The following TOR1AIP2 variants were observed in gnomAD, a reference collection of about 807,000 sequenced individuals.
TOR1AIP2 encodes the protein torsin-1A-interacting protein 2.
Under a neutral mutation model 32.6 loss-of-function variants are expected in TOR1AIP2, and 20 were observed. The observed-to-expected ratio is 0.61, with a 90% CI of 0.43 to 0.89. TOR1AIP2 has a LOEUF of 0.89. Among genes scored for constraint, TOR1AIP2 ranks in the 40% least tolerant of loss-of-function variants. The pLI is 0.00. For missense variants in TOR1AIP2, 456 were observed against 553.8 expected, an observed-to-expected ratio of 0.82 and a Z score of 1.77; for synonymous variants, 214 against 210.8, an observed-to-expected ratio of 1.02 and a Z score of -0.13.
intron 2 of TOR1AIP2, among the ~76,000 whole-genome samples, chr1:179,867,110 C>G (rs1286184988): frequency 6.6e-6 from 1 of 152,176 alleles, no homozygotes; most frequent in East Asian, 1.9e-4. Flanking sequence ...CCAAAGCACT[C>G]TCCTTACAGA....
rs374784728 is a variant in TOR1AIP2, at chr1:179,852,611, T to C, written c.34+21A>G. The C allele has an allele frequency of 1.4e-5, 23 of 1,613,870 alleles. No homozygotes were observed. In the African/African-American group the frequency reaches 2.0e-4, roughly 14 times the overall value. ...TGGTTTCCTACAGCAGCAACCTCAG[T>C]GCCAGACAAATCAGTCTTACCCTCT... is the stretch of plus-strand genomic sequence containing the variant. On this transcript the variant is annotated intron_variant, in intron 4 of 6. Coordinates refer to ENST00000609928, the MANE Select transcript of TOR1AIP2 (RefSeq NM_001199260.2).
At chr1:179,857,317 C>G (rs1257085367) in intron 3 of TOR1AIP2, among the ~76,000 whole-genome samples, 1 of 152,198 alleles carries the variant, frequency 6.6e-6, no homozygotes, top group African/African-American at 2.4e-5. Context: ...TGCAGCAAAA[C>G]TTGTATCATT....
At chr1:179,864,141 T>C in intron 3 of TOR1AIP2, 1 of 985,434 alleles carries the variant, frequency 1.0e-6, no homozygotes, top group Non-Finnish European at 1.2e-6. Flanking sequence ...GCATAACCTA[T>C]ATAGGTGTTT....
intron 3 of TOR1AIP2, chr1:179,862,660 G>A: frequency 1.0e-6 from 1 of 985,252 alleles, no homozygotes; most frequent in Non-Finnish European, 1.2e-6. Context: ...CAGGCACGGT[G>A]GCTATGCCTG....
At position 179,841,621 on chromosome 1, in the gene TOR1AIP2, C is replaced by T. The variant is rs1395589694; in HGVS notation, c.*4450G>A. ...ACAGAGTGAGACCCTGTCTTTAAAA[C>T]AAAAAGAAAGTACTTCTCTGCAAGT... On this transcript the variant is annotated 3_prime_UTR_variant, in exon 7 of 7. Transcript: ENST00000609928. 6.6e-6 allele frequency: 1 copy of T among 152,094 alleles called. No homozygotes were observed. Among genetic ancestry groups the T allele is most frequent in the Non-Finnish European group, 1.5e-5 (1 of 67,990 alleles). 9.4% of individuals were successfully genotyped at this position (152,094 alleles called of 1,614,324 possible). A position where few individuals can be genotyped will look rare whatever the true frequency, so the allele number is the denominator to read the frequency against.
chr1:179,870,686 G>A lies in TOR1AIP2; in HGVS notation c.-565-4832C>T, dbSNP rs142509252. Among the ~76,000 whole-genome samples the A allele has an allele frequency of 3.7e-3, 558 of 152,160 alleles. 3 individuals carry two copies. Among genetic ancestry groups the A allele is most frequent in the African/African-American group, 0.012 (517 of 41,532 alleles). ...AGTTCTAATAAAACAAAAAACTAAT[G>A]CTACTAGCCTTGGTTTAAAAACTTC... On this transcript the variant is annotated intron_variant, in intron 2 of 6. Coordinates refer to ENST00000609928, the MANE Select transcript of TOR1AIP2 (RefSeq NM_001199260.2).
chr1:179,873,262 A>G (rs1428945092), intron 2 of TOR1AIP2, among the ~76,000 whole-genome samples: 1 of 152,226 alleles, frequency 6.6e-6, no homozygotes, highest in East Asian at 1.9e-4. Context: ...CCTGGGCTCA[A>G]GCGATCCTCT....
intron 3 of TOR1AIP2, among the ~76,000 whole-genome samples, chr1:179,856,894 C>T (rs1472951471): frequency 1.3e-5 from 2 of 152,174 alleles, no homozygotes; most frequent in African/African-American, 4.8e-5. Flanking sequence ...GGATTACAGG[C>T]ATGAGCCACT....
chr1:179,858,201 GTATA>G (rs1266974422), intron 3 of TOR1AIP2, among the ~76,000 whole-genome samples: 1 of 151,874 alleles, frequency 6.6e-6, no homozygotes, highest in Non-Finnish European at 1.5e-5. Flanking sequence ...GTTTGTGTAT[GTATA>G]TATATTTGAT....
chr1:179,856,925 A>G (rs74341203), intron 3 of TOR1AIP2, among the ~76,000 whole-genome samples: 2,403 of 152,302 alleles, frequency 0.016, 68 homozygotes, highest in African/African-American at 0.055. Flanking sequence ...AAGCAGGTCA[A>G]TCTTTTGAAC....
chr1:179,847,208 T>C (rs1268751985), intron 6 of TOR1AIP2, among the ~76,000 whole-genome samples: 1 of 152,162 alleles, frequency 6.6e-6, no homozygotes, highest in Non-Finnish European at 1.5e-5. Context: ...TAGCCGACCA[T>C]TTTTTTAGGA....
intron 3 of TOR1AIP2, chr1:179,861,866 GTTT>G (rs982352804): frequency 1.1e-6 from 1 of 919,516 alleles, no homozygotes; most frequent in Non-Finnish European, 1.3e-6. Context: ...CTTTTATGTT[GTTT>G]TTTTTTCTTG....
intron 3 of TOR1AIP2, among the ~76,000 whole-genome samples, chr1:179,855,729 T>TGGAG (rs1696273971): frequency 1.3e-5 from 2 of 152,212 alleles, no homozygotes; most frequent in South Asian, 4.1e-4. Context: ...AAAATGTCCA[T>TGGAG]TGCTGTATTG....
chr1:179,860,866 C>T (rs545099123), intron 3 of TOR1AIP2: 108 of 985,438 alleles, frequency 1.1e-4, no homozygotes, highest in Non-Finnish European at 1.3e-4. Flanking sequence ...GCTCATCTCA[C>T]TTTTACAGAC....
intron 5 of TOR1AIP2, among the ~76,000 whole-genome samples, chr1:179,850,399 G>A (rs546281752): frequency 3.3e-5 from 5 of 152,346 alleles, no homozygotes; most frequent in African/African-American, 1.2e-4. Context: ...ACATGACTGA[G>A]TTAAGGATAC....
Position 179,845,801 on chromosome 1 carries a change from A to T in TOR1AIP2, c.*270T>A, listed in dbSNP as rs1049004775. 11 of 332,972 alleles carry T rather than the reference A, an allele frequency of 3.3e-5. No homozygotes were observed. The highest frequency in any genetic ancestry group is 4.9e-5 in the Non-Finnish European group (9 of 185,458). 20.6% of individuals were successfully genotyped at this position (332,972 alleles called of 1,614,324 possible). A position where few individuals can be genotyped will look rare whatever the true frequency, so the allele number is the denominator to read the frequency against. ...GCAATGTTGCTATATTTTAGAATTT[A>T]AAAAAAATTCTCATATATATCATCG... On this transcript the variant is annotated 3_prime_UTR_variant, in exon 7 of 7. Coordinates refer to ENST00000609928, the MANE Select transcript of TOR1AIP2 (RefSeq NM_001199260.2).
At chr1:179,847,701 T>C (rs1695963648) in intron 5 of TOR1AIP2, 65 bp from the exon 6 acceptor site, 4 of 1,065,358 alleles carry the variant, frequency 3.8e-6, no homozygotes, top group African/African-American at 1.6e-5. Context: ...TATACCTTTA[T>C]ATCTCTCACC....
chr1:179,872,561 C>A (rs1229523235), intron 2 of TOR1AIP2, among the ~76,000 whole-genome samples: 2 of 152,202 alleles, frequency 1.3e-5, no homozygotes, highest in Non-Finnish European at 2.9e-5. Context: ...TGAAAAAGTA[C>A]TAGCCTCGGA....
chr1:179,845,758 G>A lies in TOR1AIP2; in HGVS notation c.*313C>T, dbSNP rs1227891583. 4.1e-5 allele frequency: 9 copies of A among 220,052 alleles called. No homozygotes were observed. Among genetic ancestry groups the A allele is most frequent in the Non-Finnish European group, 6.2e-5 (7 of 113,244 alleles). 13.6% of individuals were successfully genotyped at this position (220,052 alleles called of 1,614,324 possible). A position where few individuals can be genotyped will look rare whatever the true frequency, so the allele number is the denominator to read the frequency against. Reference sequence around the variant, plus strand: ...AATCACTCTGTAGTTACTCTAAGAAGTAAGAGTATCTTCCTGTGCAATGTT... The same window carrying A: ...AATCACTCTGTAGTTACTCTAAGAAATAAGAGTATCTTCCTGTGCAATGTT... On this transcript the variant is annotated 3_prime_UTR_variant, in exon 7 of 7. Coordinates refer to ENST00000609928, the MANE Select transcript of TOR1AIP2 (RefSeq NM_001199260.2).
Sources: allele counts gnomAD v4.1 joint callset (sites outside exome capture counted in the v4.1 genomes callset), GRCh38; gene constraint gnomAD v4.1.1; transcripts MANE v1.5; gene names NCBI Gene and HGNC (gene_info 2026-07-23, HGNC 2026-07-21).